RGS17: variants seen among roughly 807,000 people sequenced by gnomAD.
The protein encoded by RGS17 is regulator of G-protein signaling 17.
A neutral mutation model predicts 25.5 loss-of-function variants in RGS17; 12 were observed. The observed-to-expected ratio is 0.47, with a 90% CI of 0.30 to 0.76. The LOEUF (loss-of-function observed/expected upper bound fraction) is 0.76, where lower values mean the gene tolerates loss of function less well. RGS17 is among the 30% of genes least tolerant of loss of function. The probability of loss-of-function intolerance (pLI) is 0.07; values close to 1 mark genes in which losing one functional copy is unlikely to be tolerated. For synonymous variants in RGS17, 71 were observed against 76.9 expected (o/e 0.92, Z 0.40); for missense variants, 196 against 242.2 (o/e 0.81, Z 1.27).
chr6:153,077,676 T>C (rs1486131374), intron 1 of RGS17, among the ~76,000 whole-genome samples: 2 of 152,094 alleles, frequency 1.3e-5, no homozygotes, highest in African/African-American at 4.8e-5. Context: ...AATGAGAAAG[T>C]TGGGGCAAAA....
At position 153,043,892 on chromosome 6, in the gene RGS17, T is replaced by C. The variant is rs1296470477; in HGVS notation, c.119+8A>G. Reference sequence around the variant, plus strand: ...TGGGTGTGGCATCCTACAGGTAACATGACATACCAGGAGCAGCTGCAACAA... The same window carrying C: ...TGGGTGTGGCATCCTACAGGTAACACGACATACCAGGAGCAGCTGCAACAA... On this transcript the variant is annotated splice_region_variant and intron_variant, in intron 2 of 4. Coordinates refer to ENST00000206262, the MANE Select transcript of RGS17 (RefSeq NM_012419.5). The C allele has an allele frequency of 6.3e-7, 1 of 1,587,842 alleles. No homozygotes were observed. The highest frequency in any genetic ancestry group is 1.1e-5 in the South Asian group (1 of 89,668).
chr6:153,049,767 T>G (rs9384069), intron 1 of RGS17, among the ~76,000 whole-genome samples: 58,237 of 151,356 alleles, frequency 0.38, 11,833 homozygotes, highest in East Asian at 0.62. Context: ...AATAAATAAA[T>G]AAATAAATAA....
At chr6:153,071,334 G>A (rs1776800750) in intron 1 of RGS17, among the ~76,000 whole-genome samples, 1 of 151,904 alleles carries the variant, frequency 6.6e-6, no homozygotes, top group South Asian at 2.1e-4. Context: ...AATGGGCACA[G>A]AGTAGGTACT....
chr6:153,085,970 G>A (rs1777047736), intron 1 of RGS17, among the ~76,000 whole-genome samples: 1 of 152,150 alleles, frequency 6.6e-6, no homozygotes, highest in African/African-American at 2.4e-5. Flanking sequence ...ATTCAGGAAA[G>A]TTCTTGGGAG....
At chr6:153,071,909 T>C (rs899067267) in intron 1 of RGS17, among the ~76,000 whole-genome samples, 3 of 152,150 alleles carry the variant, frequency 2.0e-5, no homozygotes, top group African/African-American at 4.8e-5. Context: ...AATTATAAAA[T>C]TGAGATATTA....
intron 2 of RGS17, among the ~76,000 whole-genome samples, chr6:153,037,692 G>A (rs918823663): frequency 4.6e-5 from 7 of 152,054 alleles, no homozygotes; most frequent in Non-Finnish European, 8.8e-5. Flanking sequence ...CCAAAGGGCT[G>A]GGATTACAGG....
At chr6:153,103,569 ACC>A (rs1414287255) in intron 1 of RGS17, among the ~76,000 whole-genome samples, 1 of 152,204 alleles carries the variant, frequency 6.6e-6, no homozygotes, top group African/African-American at 2.4e-5. Flanking sequence ...CCATGATCAA[ACC>A]AAAGGCAAGA....
At chr6:153,114,198 G>T (rs1777513246) in intron 1 of RGS17, among the ~76,000 whole-genome samples, 1 of 152,006 alleles carries the variant, frequency 6.6e-6, no homozygotes, top group African/African-American at 2.4e-5. Context: ...GATTAATCAA[G>T]AAGAAGAGAG....
intron 4 of RGS17, 88 bp downstream of exon 4, chr6:153,024,174 C>A (rs545323): frequency 2.5e-6 from 2 of 806,800 alleles, no homozygotes; most frequent in African/African-American, 3.4e-5. Flanking sequence ...CCTCTCCACA[C>A]CCCATGCCCT....
chr6:153,094,008 A>G (rs927477404), intron 1 of RGS17, among the ~76,000 whole-genome samples: 16 of 152,140 alleles, frequency 1.1e-4, no homozygotes, highest in African/African-American at 3.6e-4. Flanking sequence ...CGATTATGTA[A>G]TATCTGGTAT....
At chr6:153,022,185 G>C (rs1025926567) in intron 4 of RGS17, among the ~76,000 whole-genome samples, 5 of 152,294 alleles carry the variant, frequency 3.3e-5, no homozygotes, top group African/African-American at 1.2e-4. Context: ...TACAGCCTGG[G>C]TGGCACAGTG....
At chr6:153,021,402 G>A (rs1375740398) in intron 4 of RGS17, among the ~76,000 whole-genome samples, 3 of 152,206 alleles carry the variant, frequency 2.0e-5, no homozygotes, top group Non-Finnish European at 4.4e-5. Context: ...AGTTCAGTGA[G>A]GTACATAATA....
At chr6:153,024,608 G>T in intron 3 of RGS17, 112 bp from the exon 4 acceptor site, 1 of 778,248 alleles carries the variant, frequency 1.3e-6, no homozygotes, top group Non-Finnish European at 2.1e-6. Context: ...CCATCTAGTG[G>T]TCAGTATTTT....
At chr6:153,061,977 C>A (rs563872677) in intron 1 of RGS17, among the ~76,000 whole-genome samples, 10 of 152,212 alleles carry the variant, frequency 6.6e-5, no homozygotes, top group Admixed American at 5.9e-4. Flanking sequence ...AAGATAGAAT[C>A]AAATAATCAG....
intron 1 of RGS17, among the ~76,000 whole-genome samples, chr6:153,052,922 T>C (rs903498875): frequency 1.3e-5 from 2 of 152,112 alleles, no homozygotes; most frequent in African/African-American, 2.4e-5. Flanking sequence ...CCCAGATTAC[T>C]CTCCTGCTCT....
chr6:153,085,882 TAA>T (rs1456285035), intron 1 of RGS17, among the ~76,000 whole-genome samples: 1 of 152,106 alleles, frequency 6.6e-6, no homozygotes, highest in African/African-American at 2.4e-5. Flanking sequence ...TGACTTTATT[TAA>T]AGAGATTCAT....
At chr6:153,101,703 G>T (rs1309037573) in intron 1 of RGS17, among the ~76,000 whole-genome samples, 1 of 152,086 alleles carries the variant, frequency 6.6e-6, no homozygotes, top group Non-Finnish European at 1.5e-5. Context: ...TGAATCATGG[G>T]GGCAGACTTC....
intron 1 of RGS17, among the ~76,000 whole-genome samples, chr6:153,079,975 C>A (rs1357954814): frequency 6.6e-6 from 1 of 151,874 alleles, no homozygotes; most frequent in Non-Finnish European, 1.5e-5. Context: ...TTAGATTTTT[C>A]TGTTTTTTAT....
intron 2 of RGS17, among the ~76,000 whole-genome samples, chr6:153,031,861 T>A (rs1301468127): frequency 6.6e-6 from 1 of 152,182 alleles, no homozygotes; most frequent in African/African-American, 2.4e-5. Flanking sequence ...AAGAGTAACT[T>A]CTCAATTCCC....
Sources: gnomAD v4.1 joint callset for allele counts (sites outside exome capture counted in the v4.1 genomes callset) on GRCh38, gnomAD v4.1.1 for gene constraint, MANE v1.5 for transcripts, NCBI Gene and HGNC (gene_info 2026-07-23, HGNC 2026-07-21) for gene names.